Variants in ACE observed in about 807,000 individuals in gnomAD.
ACE encodes angiotensin I converting enzyme.
A neutral mutation model predicts 162.3 loss-of-function variants in ACE; 122 were observed. That is an observed-to-expected ratio of 0.75 (90% CI 0.65 to 0.87). ACE has a LOEUF of 0.87. ACE is among the 40% of genes least tolerant of loss of function. ACE has a pLI of 0.00. For missense variants in ACE, 1,799 were observed against 1,735.1 expected (o/e 1.04, Z -0.65); for synonymous variants, 796 against 720.6 (o/e 1.10, Z -1.68).
chr17:63,477,139 G>C lies in ACE; in HGVS notation c.45G>C (p.Pro15=), dbSNP rs1110991. The C allele has an allele frequency of 1.5e-3, 2,171 of 1,431,680 alleles. 1 individual carries two copies. Among genetic ancestry groups the C allele is most frequent in the Non-Finnish European group, 1.8e-3 (2,021 of 1,092,618 alleles). The allele number at this position is 1,431,680 out of a possible 1,614,324, so 88.7% of individuals were successfully genotyped here. Residue 15 remains proline (P), a synonymous_variant, in exon 1 of 25, where the codon CCG becomes CCC. Coordinates refer to ENST00000290866, the MANE Select transcript of ACE (RefSeq NM_000789.4). ...SGRRGPGLLL[P]LPLLLLLPPQ... is the part of the protein sequence containing the mutation. ...GCCGGGGGCCGGGGCTGCTGCTGCC[G>C]CTGCCGCTGCTGTTGCTGCTGCCGC...
chr17:63,494,900 T>C (rs961207594), intron 22 of ACE, among the ~76,000 whole-genome samples: 1 of 152,134 alleles, frequency 6.6e-6, no homozygotes, highest in African/African-American at 2.4e-5. Context: ...AATGTAGGAT[T>C]GGAGATCGGT....
rs1339518850 is a variant in ACE at position 63,497,591 on chromosome 17, T to C, written c.*225T>C. The stretch of plus-strand genomic sequence containing the variant: ...AGCCCCACCTCTCCAAGTCTCTCTG[T>C]GAATACAATTAAAGGTCCTGCCCTC... On this transcript the variant is annotated 3_prime_UTR_variant, in exon 25 of 25. Coordinates refer to ENST00000290866, the MANE Select transcript of ACE (RefSeq NM_000789.4). The C allele has an allele frequency of 1.4e-6, 1 of 700,540 alleles. No homozygotes were observed. Among genetic ancestry groups the C allele is most frequent in the Non-Finnish European group, 2.6e-6 (1 of 384,312 alleles). The allele number at this position is 700,540 out of a possible 1,614,324, so 43.4% of individuals were successfully genotyped here.
Position 63,481,649 on chromosome 17 carries a change from G to A in ACE, c.1029G>A (p.Trp343Ter). The change falls in exon 7 of 25, where the codon TGG (tryptophan) becomes TGA (stop). Residue 343 changes from tryptophan (W) to a stop codon, truncating the protein, a stop_gained. Transcript: ENST00000290866. LOFTEE classifies it high-confidence loss of function. The part of the protein sequence containing the change: ...LELSPMPPEF[W>*]EGSMLEKPAD... ...TCTCCCCCATGCCTCCCGAGTTCTG[G>A]GAAGGGTCGATGCTGGAGAAGCCGG... 1.2e-6 allele frequency: 2 copies of A among 1,614,112 alleles called. No individual in the cohort carries two copies. Among genetic ancestry groups the A allele is most frequent in the Non-Finnish European group, 1.7e-6 (2 of 1,180,022 alleles).
At position 63,494,404 on chromosome 17, in the gene ACE, C is replaced by T; in HGVS notation, c.3314C>T (p.Pro1105Leu). ...TACCAGGGCCTCTGCCCCCCAGTGC[C>T]CAGGACTCAAGGTGACTTTGACCCA... ...LKYQGLCPPVPRTQGDFDPGA... is the reference protein window; with the variant it reads ...LKYQGLCPPVLRTQGDFDPGA... The change falls in exon 22 of 25, where the codon CCC (proline) becomes CTC (leucine). Residue 1105 changes from proline to leucine, a missense_variant. Transcript: ENST00000290866. 6.2e-7 allele frequency: 1 copy of T among 1,614,170 alleles called. No individual in the cohort carries two copies. Among genetic ancestry groups the T allele is most frequent in the Non-Finnish European group, 8.5e-7 (1 of 1,180,018 alleles).
intron 22 of ACE, among the ~76,000 whole-genome samples, chr17:63,495,387 G>T (rs1439609050): frequency 6.6e-6 from 1 of 152,214 alleles, no homozygotes; most frequent in Non-Finnish European, 1.5e-5. Flanking sequence ...GGCTGTGGCT[G>T]CCTCTGGCCC....
chr17:63,484,586 A>G lies in ACE; in HGVS notation c.1921+45A>G. 2 of 1,571,170 alleles carry G rather than the reference A, an allele frequency of 1.3e-6. No individual in the cohort carries two copies. On this transcript the variant is annotated intron_variant, in intron 12 of 24. Coordinates refer to ENST00000290866, the MANE Select transcript of ACE (RefSeq NM_000789.4). This position sits in a 1 kb window ranked among gnomAD's most constrained non-coding sequence, Gnocchi z 4.0. Reference sequence around the variant, plus strand: ...TGGTGTGGGGCTAAGGTGGGTCCTCAACTCTGGGCTTGGCCCAGGCCCCAG... The same window carrying G: ...TGGTGTGGGGCTAAGGTGGGTCCTCGACTCTGGGCTTGGCCCAGGCCCCAG...
intron 23 of ACE, 104 bp from the exon 24 acceptor site, chr17:63,496,694 T>C: frequency 1.3e-6 from 2 of 1,584,824 alleles, no homozygotes; most frequent in Non-Finnish European, 1.7e-6. Flanking sequence ...CCTGGGGCCC[T>C]GGGACAAGTT....
rs761954677 is a variant in ACE, at chr17:63,485,222, A to T, written c.1922-14A>T. 2 of 1,613,954 alleles carry T rather than the reference A, an allele frequency of 1.2e-6. No individual in the cohort carries two copies. The highest frequency in any genetic ancestry group is 2.2e-5 in the South Asian group (2 of 91,064). ...GGCAGAGGTTTGTCTGTTTCCCTGC[A>T]CTCTGTCCCACAGACCTGGTGACTG... On this transcript the variant is annotated splice_polypyrimidine_tract_variant and intron_variant, in intron 12 of 24. Transcript: ENST00000290866.
chr17:63,483,279 A>G (rs2049744018), intron 9 of ACE, 106 bp downstream of exon 9: 1 of 1,585,502 alleles, frequency 6.3e-7, no homozygotes. Context: ...CTCTCTAATG[A>G]TGTCCCCCGC....
chr17:63,497,091 T>C, intron 24 of ACE, 46 bp from the exon 25 acceptor site: 1 of 1,575,608 alleles, frequency 6.3e-7, no homozygotes, highest in East Asian at 2.3e-5. Context: ...ACCCTTGCCC[T>C]GCCCTGCCCT....
Position 63,491,489 on chromosome 17 carries a change from T to G in ACE, c.2912+108T>G. The G allele has an allele frequency of 6.9e-7, 1 of 1,457,176 alleles. No individual in the cohort carries two copies. The highest frequency in any genetic ancestry group is 9.5e-7 in the Non-Finnish European group (1 of 1,051,188). The allele number at this position is 1,457,176 out of a possible 1,614,324, so 90.3% of individuals were successfully genotyped here. A position where few individuals can be genotyped will look rare whatever the true frequency, so the allele number is the denominator to read the frequency against. ...CCCAGCTGGAGCCAGCAGGGCAGGA[T>G]GGGGACAGGGCCAGAGTTTGGGACT... On this transcript the variant is annotated intron_variant, in intron 19 of 24. Transcript: ENST00000290866. This position sits in a 1 kb window ranked among gnomAD's most constrained non-coding sequence, Gnocchi z 4.4.
Position 63,477,137 on chromosome 17 carries a change from C to T in ACE, c.43C>T (p.Pro15Ser), listed in dbSNP as rs1193133040. The T allele has an allele frequency of 7.0e-7, 1 of 1,430,506 alleles. No homozygotes were observed. The highest frequency in any genetic ancestry group is 3.1e-5 in the East Asian group (1 of 32,024). The allele number at this position is 1,430,506 out of a possible 1,614,324, so 88.6% of individuals were successfully genotyped here. A position where few individuals can be genotyped will look rare whatever the true frequency, so the allele number is the denominator to read the frequency against. ...SGRRGPGLLL[P>S]LPLLLLLPPQ... ...CCGCCGGGGGCCGGGGCTGCTGCTGCCGCTGCCGCTGCTGTTGCTGCTGCC... is the reference window on the plus strand; with the variant it reads ...CCGCCGGGGGCCGGGGCTGCTGCTGTCGCTGCCGCTGCTGTTGCTGCTGCC... Residue 15 changes from proline to serine, a missense_variant, in exon 1 of 25, where the codon CCG (proline) becomes TCG (serine). Transcript: ENST00000290866.
chr17:63,479,943 C>T lies in ACE; in HGVS notation c.655+31C>T, dbSNP rs563176796. On this transcript the variant is annotated intron_variant, in intron 4 of 24. Coordinates refer to ENST00000290866, the MANE Select transcript of ACE (RefSeq NM_000789.4). The stretch of plus-strand genomic sequence containing the variant: ...CAGGCCTCTCCCTGTCCAGGAACCA[C>T]GCCAGGTGTCCTCTCTCAGCTGTCT... 5.4e-5 allele frequency: 86 copies of T among 1,590,208 alleles called. No homozygotes were observed. In the East Asian group the frequency reaches 6.3e-4, roughly 12 times the overall value.
In ACE at chr17:63,491,139, G is replaced by A. The variant is rs765759030; in HGVS notation, c.2740-70G>A. On this transcript the variant is annotated intron_variant, in intron 18 of 24. Transcript: ENST00000290866. This position sits in a 1 kb window ranked among gnomAD's most constrained non-coding sequence, Gnocchi z 4.4. ...GTTCCCTCCAGTTTAGCCCTCCCCC[G>A]GGATCCCCACGGCAGCACGCAGTCT... 3.7e-5 allele frequency: 59 copies of A among 1,610,846 alleles called. No homozygotes were observed. Among genetic ancestry groups the A allele is most frequent in the Non-Finnish European group, 4.9e-5 (58 of 1,178,456 alleles).
chr17:63,483,356 C>T, intron 9 of ACE, 104 bp from the exon 10 acceptor site: 3 of 1,456,454 alleles, frequency 2.1e-6, no homozygotes, highest in Non-Finnish European at 2.9e-6. Flanking sequence ...CCCAGTTCCT[C>T]AGGATGGGGA....
In ACE at chr17:63,484,921, C is replaced by G; in HGVS notation, c.1922-315C>G. On this transcript the variant is annotated intron_variant, in intron 12 of 24. Coordinates refer to ENST00000290866, the MANE Select transcript of ACE (RefSeq NM_000789.4). This position sits in a 1 kb window ranked among gnomAD's most constrained non-coding sequence, Gnocchi z 4.0. ...TTCCCAGCCTCCTCTTCCTGCTGCT[C>G]TGCTACGGGCACCCTCTGCTGGTCC... is the stretch of plus-strand genomic sequence containing the variant. 6.3e-7 allele frequency: 1 copy of G among 1,595,470 alleles called. No individual in the cohort carries two copies. The highest frequency in any genetic ancestry group is 8.5e-7 in the Non-Finnish European group (1 of 1,171,062).
intron 7 of ACE, 151 bp downstream of exon 7, chr17:63,481,889 G>A (rs1301742565): frequency 4.3e-6 from 4 of 921,632 alleles, no homozygotes; most frequent in Non-Finnish European, 6.7e-6. Context: ...AGGGCTAGGG[G>A]GTATAGGAGG....
In ACE at chr17:63,483,559, G is replaced by A; in HGVS notation, c.1586+1G>A. 6.2e-7 allele frequency: 1 copy of A among 1,611,500 alleles called. No individual in the cohort carries two copies. The highest frequency in any genetic ancestry group is 8.5e-7 in the Non-Finnish European group (1 of 1,178,176). ...TTCCAAATGTGACACCATACATCAG[G>A]TATTAGCGCCCCCACCCCACCCACC... On this transcript the variant is annotated splice_donor_variant, in intron 10 of 24. Coordinates refer to ENST00000290866, the MANE Select transcript of ACE (RefSeq NM_000789.4). LOFTEE classifies it high-confidence loss of function.
Position 63,479,898 on chromosome 17 carries a change from C to A in ACE, c.641C>A (p.Ala214Asp). The A allele has an allele frequency of 1.2e-6, 2 of 1,611,408 alleles. No homozygotes were observed. Residue 214 changes from alanine (A) to aspartate (D), a missense_variant, in exon 4 of 25, where the codon GCC becomes GAC. Ala to Asp is a moderately radical substitution (Grantham distance 126). Transcript: ENST00000290866. ...GATTTCACTGCCCTCAGCAATGAAG[C>A]CTACAAGCAGGACGGTGAGCAGGCC... Reference protein sequence around the residue: ...YEDFTALSNEAYKQDGFTDTG... With the variant: ...YEDFTALSNEDYKQDGFTDTG...
Sources: gnomAD v4.1 joint callset for allele counts (sites outside exome capture counted in the v4.1 genomes callset) on GRCh38, gnomAD v4.1.1 for gene constraint, Gnocchi (gnomAD v3.1) non-coding constraint, MANE v1.5 for transcripts, NCBI Gene and HGNC (gene_info 2026-07-23, HGNC 2026-07-21) for gene names.